The following DNASE1 variants were observed in gnomAD, a reference collection of about 807,000 sequenced individuals.
DNASE1 encodes deoxyribonuclease-1.
DNASE1 carries 40 observed loss-of-function variants against 33.9 expected under a neutral mutation model. The ratio of observed to expected loss-of-function variants is 1.18; its 90% CI spans 0.92 to 1.54. The LOEUF is 1.54. DNASE1 is among the 40% of genes most tolerant of loss of function. The pLI, the probability that DNASE1 is intolerant of heterozygous loss-of-function variation, is 0.00. For synonymous variants in DNASE1, 216 were observed against 160.0 expected (o/e 1.35, Z -2.64); for missense variants, 518 against 372.6 (o/e 1.39, Z -3.21).
chr16:3,658,250 A>T, downstream of DNASE1: 1 of 1,596,490 alleles, frequency 6.3e-7, no homozygotes, highest in African/African-American at 1.4e-5. Context: ...AAGAGGAGAA[A>T]CCCATTATGA....
At position 3,628,694 on chromosome 16, in the gene DNASE1, G is replaced by C. The variant is rs182128471; in HGVS notation, c.-1358-12021G>C. Among the ~76,000 whole-genome samples the C allele has an allele frequency of 4.0e-3, 611 of 151,408 alleles. 3 individuals carry two copies. The highest frequency in any genetic ancestry group is 0.014 in the African/African-American group (565 of 41,370). The stretch of plus-strand genomic sequence containing the variant: ...CTGCCTCAGGCTCCCGAATAGCTGG[G>C]ACTATAGGCGCCCGCCACCACGCCC... On this transcript the variant is annotated intron_variant and NMD_transcript_variant, in intron 1 of 11. Transcript: ENST00000570769.
At chr16:3,649,476 A>T (rs375278453) in intron 1 of DNASE1, among the ~76,000 whole-genome samples, 1 of 152,212 alleles carries the variant, frequency 6.6e-6, no homozygotes. Flanking sequence ...ATCTGTTGCA[A>T]TTATTCTTTT....
chr16:3,653,768 C>T (rs2151210413), upstream of DNASE1: 1 of 119,700 alleles, frequency 8.4e-6, no homozygotes, highest in African/African-American at 3.2e-5. Context: ...GATAGTATTA[C>T]TGCACTCCAG....
chr16:3,653,829 A>C (rs1938311672), upstream of DNASE1: 10 of 147,794 alleles, frequency 6.8e-5, no homozygotes, highest in Middle Eastern at 0.014. Flanking sequence ...AAAAAAAAAA[A>C]AAAAAAAAAA....
chr16:3,621,732 T>G (rs1294506153), intron 1 of DNASE1, among the ~76,000 whole-genome samples: 1 of 152,252 alleles, frequency 6.6e-6, no homozygotes, highest in East Asian at 1.9e-4. Context: ...CTTCATTGTA[T>G]CACCTATCAA....
chr16:3,645,933 A>G (rs191820040), intron 1 of DNASE1, among the ~76,000 whole-genome samples: 4 of 152,310 alleles, frequency 2.6e-5, no homozygotes, highest in African/African-American at 7.2e-5. Flanking sequence ...CTGTCACGGC[A>G]AAGACACTGG....
In DNASE1 at chr16:3,615,818, GCTT is replaced by G. The variant is rs1210382289; in HGVS notation, c.-1359+3815_-1359+3817del. On this transcript the variant is annotated intron_variant and NMD_transcript_variant, in intron 1 of 11. Coordinates refer to the DNASE1 transcript ENST00000570769. ...CTCCTGGAATATTTCCTTTTTGAAA[GCTT>G]CTGGCATCTTCCACTGAGTTCATGT... is the stretch of plus-strand genomic sequence containing the variant. Among the ~76,000 whole-genome samples the G allele has an allele frequency of 3.3e-5, 5 of 152,336 alleles. 1 individual carries two copies. In the East Asian group the frequency reaches 9.6e-4, roughly 29 times the overall value.
In DNASE1 at chr16:3,657,035, C is replaced by A. The variant is rs1488120946; in HGVS notation, c.473C>A (p.Ala158Asp). 1.9e-6 allele frequency: 3 copies of A among 1,613,732 alleles called. No individual in the cohort carries two copies. The highest frequency in any genetic ancestry group is 2.5e-6 in the Non-Finnish European group (3 of 1,179,958). The change falls in exon 6 of 9, where the codon GCC (alanine) becomes GAC (aspartate). Residue 158 changes from alanine to aspartate, a missense_variant. Transcript: ENST00000246949. ...REFAIVPLHA[A>D]PGDAVAEIDA... ...TTTGCCATTGTTCCCCTGCATGCGG[C>A]CCCGGGGGACGCAGTAGCCGAGATC...
intron 1 of DNASE1, among the ~76,000 whole-genome samples, chr16:3,648,337 CG>C (rs1208422517): frequency 1.3e-5 from 2 of 152,064 alleles, no homozygotes; most frequent in Non-Finnish European, 1.5e-5. Flanking sequence ...CTGAGATGGG[CG>C]GAACACAAGG....
At chr16:3,634,389 C>T (rs1380625397) in intron 1 of DNASE1, among the ~76,000 whole-genome samples, 3 of 151,352 alleles carry the variant, frequency 2.0e-5, no homozygotes, top group Non-Finnish European at 4.4e-5. Flanking sequence ...CCACCATGCC[C>T]GGCTCATTTT....
chr16:3,649,928 T>TA (rs143852948), upstream of DNASE1, among the ~76,000 whole-genome samples: 4,456 of 150,180 alleles, frequency 0.03, 193 homozygotes, highest in African/African-American at 0.093. Context: ...TTCTAGTTGA[T>TA]AAAAAAAAAA....
At chr16:3,616,970 C>G (rs1231427010) in intron 1 of DNASE1, among the ~76,000 whole-genome samples, 2 of 152,098 alleles carry the variant, frequency 1.3e-5, no homozygotes, top group African/African-American at 4.8e-5. Context: ...AGACCCTTAC[C>G]TCATATCATG....
At chr16:3,621,389 T>C (rs1369626967) in intron 1 of DNASE1, among the ~76,000 whole-genome samples, 1 of 152,218 alleles carries the variant, frequency 6.6e-6, no homozygotes, top group Non-Finnish European at 1.5e-5. Context: ...CTGGTTTACC[T>C]GTTTTAGAAA....
In DNASE1 at chr16:3,631,566, C is replaced by G. The variant is rs565699494; in HGVS notation, c.-1358-9149C>G. ...TTGAGACGGAGTCTCGCTCTGTTGC[C>G]CAGGCTGGAGTGCAGTGGCATGATC... On this transcript the variant is annotated intron_variant and NMD_transcript_variant, in intron 1 of 11. Coordinates refer to the DNASE1 transcript ENST00000570769. Among the ~76,000 whole-genome samples the G allele has an allele frequency of 6.6e-5, 10 of 151,378 alleles. No homozygotes were observed. In the East Asian group the frequency reaches 2.0e-3, roughly 30 times the overall value.
upstream of DNASE1, chr16:3,654,368 C>T: frequency 5.0e-6 from 2 of 398,838 alleles, no homozygotes; most frequent in Non-Finnish European, 4.4e-6. Flanking sequence ...CCCCAGCCTC[C>T]TGCAGAGTTG....
chr16:3,654,492 CTT>C (rs934047773), upstream of DNASE1: 32 of 398,728 alleles, frequency 8.0e-5, no homozygotes, highest in South Asian at 2.5e-4. Flanking sequence ...GCTTTGGCCT[CTT>C]TGTCCAAAGT....
In DNASE1 at chr16:3,628,141, G is replaced by T. The variant is rs533311258; in HGVS notation, c.-1358-12574G>T. ...TCAGCGATGTTTTGTAGTTTTCATTGTATGAATCTTTTACCTCCTTGGTTA... is the reference window on the plus strand; with the variant it reads ...TCAGCGATGTTTTGTAGTTTTCATTTTATGAATCTTTTACCTCCTTGGTTA... On this transcript the variant is annotated intron_variant and NMD_transcript_variant, in intron 1 of 11. Transcript: ENST00000570769. Among the ~76,000 whole-genome samples, 4 of 152,064 alleles carry T rather than the reference G, an allele frequency of 2.6e-5. No homozygotes were observed. In the South Asian group the frequency reaches 8.3e-4, roughly 32 times the overall value.
At chr16:3,660,857 G>C (rs1451493059), downstream of DNASE1, 1 of 152,150 alleles carries the variant, frequency 6.6e-6, no homozygotes, top group African/African-American at 2.4e-5. Context: ...CCAGGAGGTA[G>C]AAGTTGCAGT....
exon 1 of DNASE1, chr16:3,611,800 T>G (rs2040887034): frequency 6.6e-6 from 1 of 152,146 alleles, no homozygotes; most frequent in Non-Finnish European, 1.5e-5. Flanking sequence ...GTCTGTTAGT[T>G]TTTGAGAAAG....
Sources: gnomAD v4.1 joint callset for allele counts (sites outside exome capture counted in the v4.1 genomes callset) on GRCh38, gnomAD v4.1.1 for gene constraint, MANE v1.5 for transcripts, NCBI Gene and HGNC (gene_info 2026-07-23, HGNC 2026-07-21) for gene names.